UBP1: variants seen among roughly 807,000 people sequenced by gnomAD.
The protein encoded by UBP1 is upstream binding protein 1.
A neutral mutation model predicts 76.1 loss-of-function variants in UBP1; 22 were observed. The observed-to-expected ratio is 0.29, with a 90% CI of 0.21 to 0.41. UBP1 has a LOEUF of 0.41. Among genes scored for constraint, UBP1 ranks in the 10% least tolerant of loss-of-function variants. UBP1 has a pLI of 1.00. For synonymous variants in UBP1, 224 were observed against 237.1 expected (o/e 0.94, Z 0.51); for missense variants, 436 against 668.1 (o/e 0.65, Z 3.83).
intron 12 of UBP1, chr3:33,396,767 T>C (rs2044012574): frequency 4.9e-6 from 3 of 607,078 alleles, no homozygotes; most frequent in East Asian, 7.3e-5. Flanking sequence ...TTTTGTTTTC[T>C]TGGCAACAAA....
At position 33,439,938 on chromosome 3, in the gene UBP1, G is replaced by A; in HGVS notation, c.-90C>T. 2.1e-6 allele frequency: 3 copies of A among 1,438,950 alleles called. No homozygotes were observed. The highest frequency in any genetic ancestry group is 2.9e-6 in the Non-Finnish European group (3 of 1,049,620). 89.1% of individuals were successfully genotyped at this position (1,438,950 alleles called of 1,614,324 possible). A position where few individuals can be genotyped will look rare whatever the true frequency, so the allele number is the denominator to read the frequency against. ...CCGCTGGCGCGTCCTGGGGGAGGGCGCGGGTGAAGCCTCCGGAGGGGCGGC... is the reference window on the plus strand; with the variant it reads ...CCGCTGGCGCGTCCTGGGGGAGGGCACGGGTGAAGCCTCCGGAGGGGCGGC... On this transcript the variant is annotated 5_prime_UTR_variant, in exon 1 of 16. Transcript: ENST00000283629.
intron 1 of UBP1, among the ~76,000 whole-genome samples, chr3:33,426,951 T>TAAC (rs997727107): frequency 1.3e-5 from 2 of 152,224 alleles, no homozygotes; most frequent in African/African-American, 4.8e-5. Context: ...GATCACATGG[T>TAAC]AACTCTGTTT....
intron 1 of UBP1, among the ~76,000 whole-genome samples, chr3:33,430,807 A>C (rs1266042329): frequency 6.6e-6 from 1 of 152,108 alleles, no homozygotes; most frequent in Non-Finnish European, 1.5e-5. Context: ...CAAGCCCAAG[A>C]ACAACCAGGT....
rs745469018 is a variant in UBP1, at chr3:33,439,812, A to C, written c.37T>G (p.Ser13Ala). The C allele has an allele frequency of 1.2e-6, 2 of 1,612,542 alleles. No homozygotes were observed. The highest frequency in any genetic ancestry group is 1.7e-5 in the Admixed American group (1 of 59,960). Residue 13 changes from serine to alanine, a missense_variant, in exon 1 of 16, where the codon TCC becomes GCC. By Grantham distance (99) the Ser-to-Ala change is moderately conservative. Transcript: ENST00000283629. Reference protein sequence around the residue: ...WVLKMDEVIESGLVHDFDASL... With the variant: ...WVLKMDEVIEAGLVHDFDASL... ...GCGTCGAAGTCGTGCACCAGCCCGG[A>C]CTCGATCACCTCGTCCATCTTGAGC...
At chr3:33,415,765 C>T (rs1218564073) in intron 3 of UBP1, among the ~76,000 whole-genome samples, 1 of 150,280 alleles carries the variant, frequency 6.7e-6, no homozygotes, top group African/African-American at 2.4e-5. Flanking sequence ...AAAAAAAAAA[C>T]ACAGAACAAA....
intron 8 of UBP1, among the ~76,000 whole-genome samples, chr3:33,406,304 T>C (rs924580793): frequency 4.6e-5 from 7 of 152,150 alleles, no homozygotes; most frequent in Non-Finnish European, 1.0e-4. Flanking sequence ...TTACAAAGTA[T>C]CACCTCCTCA....
At chr3:33,416,199 C>G (rs1002868510) in intron 3 of UBP1, 2 of 152,212 alleles carry the variant, frequency 1.3e-5, no homozygotes, top group Non-Finnish European at 2.9e-5. Context: ...CTTTCATTAA[C>G]CCTGCCCTGT....
At chr3:33,429,245 G>A (rs1404244912) in intron 1 of UBP1, among the ~76,000 whole-genome samples, 1 of 152,154 alleles carries the variant, frequency 6.6e-6, no homozygotes, top group South Asian at 2.1e-4. Flanking sequence ...TTTCTACTAT[G>A]TTGAAAGTCC....
intron 13 of UBP1, among the ~76,000 whole-genome samples, chr3:33,395,760 AAAAAAAAAAAAAAG>A (rs2043959364): frequency 2.6e-5 from 4 of 151,046 alleles, no homozygotes; most frequent in Admixed American, 2.0e-4. Flanking sequence ...GAAAAAAAAA[AAAAAAAAAAAAAAG>A]AAAAAGGAAA....
At chr3:33,424,764 G>C (rs1454961230) in intron 2 of UBP1, among the ~76,000 whole-genome samples, 1 of 152,162 alleles carries the variant, frequency 6.6e-6, no homozygotes, top group Admixed American at 6.6e-5. Flanking sequence ...AGATAAACTC[G>C]GCCGGGTGCA....
intron 12 of UBP1, 21 bp downstream of exon 12, chr3:33,397,024 A>G (rs1466137542): frequency 1.9e-6 from 3 of 1,579,504 alleles, no homozygotes; most frequent in Middle Eastern, 1.7e-4. Context: ...ATTTCAAGCA[A>G]AACAGTTCAC....
chr3:33,403,261 A>G (rs1042272828), intron 8 of UBP1: 6 of 234,426 alleles, frequency 2.6e-5, no homozygotes, highest in Non-Finnish European at 5.1e-5. Flanking sequence ...ATCAAGATTT[A>G]AGAATGGCGA....
intron 1 of UBP1, among the ~76,000 whole-genome samples, chr3:33,426,365 T>A (rs898385062): frequency 1.3e-5 from 2 of 152,068 alleles, no homozygotes; most frequent in South Asian, 2.1e-4. Flanking sequence ...GGGGCACTGA[T>A]TGGGAGAATG....
chr3:33,398,760 A>G (rs1191316480), intron 11 of UBP1, among the ~76,000 whole-genome samples: 1 of 152,234 alleles, frequency 6.6e-6, no homozygotes, highest in African/African-American at 2.4e-5. Context: ...CTGATGTAAA[A>G]GGAGTAATGT....
chr3:33,393,819 T>C (rs1691667574), intron 13 of UBP1, among the ~76,000 whole-genome samples: 1 of 152,170 alleles, frequency 6.6e-6, no homozygotes, highest in South Asian at 2.1e-4. Context: ...TGGGGGATCT[T>C]CTTGAAATAA....
chr3:33,441,383 C>G (rs1027874867), upstream of UBP1: 1 of 152,296 alleles, frequency 6.6e-6, no homozygotes, highest in Admixed American at 6.5e-5. Flanking sequence ...AACTTACTGC[C>G]TAAGAATAAG....
chr3:33,408,066 A>C (rs977389114), intron 8 of UBP1, among the ~76,000 whole-genome samples: 1 of 152,096 alleles, frequency 6.6e-6, no homozygotes, highest in Non-Finnish European at 1.5e-5. Flanking sequence ...CTTTGGCCTG[A>C]AGCATTAATT....
In UBP1 at chr3:33,400,953, G is replaced by A. The variant is rs1244699726; in HGVS notation, c.1086+9C>T. The A allele has an allele frequency of 6.3e-7, 1 of 1,591,966 alleles. No individual in the cohort carries two copies. Among genetic ancestry groups the A allele is most frequent in the Non-Finnish European group, 8.5e-7 (1 of 1,172,746 alleles). Reference sequence around the variant, plus strand: ...AAGCATCAGATAGTTTTAGGAGAAAGATACTTACTTCACCAGAGGTCTGTG... The same window carrying A: ...AAGCATCAGATAGTTTTAGGAGAAAAATACTTACTTCACCAGAGGTCTGTG... On this transcript the variant is annotated intron_variant, in intron 10 of 15. Transcript: ENST00000283629.
chr3:33,430,861 A>G (rs987219955), intron 1 of UBP1, among the ~76,000 whole-genome samples: 1 of 152,130 alleles, frequency 6.6e-6, no homozygotes, highest in Admixed American at 6.5e-5. Flanking sequence ...TTTGCAATCA[A>G]ATACTTCACT....
Sources: gnomAD v4.1 joint callset for allele counts (sites outside exome capture counted in the v4.1 genomes callset) on GRCh38, gnomAD v4.1.1 for gene constraint, MANE v1.5 for transcripts, NCBI Gene and HGNC (gene_info 2026-07-23, HGNC 2026-07-21) for gene names.